Variants in FAM227B observed in about 807,000 individuals in gnomAD.
FAM227B encodes protein FAM227B.
Under a neutral mutation model 73.8 loss-of-function variants are expected in FAM227B, and 88 were observed. The ratio of observed to expected loss-of-function variants is 1.19; its 90% confidence interval spans 1.00 to 1.42. The LOEUF is 1.42. FAM227B is among the 40% of genes most tolerant of loss of function. The pLI is 0.00. For synonymous variants in FAM227B, 210 were observed against 190.5 expected (o/e 1.10, Z -0.84); for missense variants, 632 against 590.9 (o/e 1.07, Z -0.72).
chr15:49,600,350 C>CT (rs373443382), intron 3 of FAM227B, among the ~76,000 whole-genome samples: 1,438 of 127,838 alleles, frequency 0.011, 21 homozygotes, highest in African/African-American at 0.041. Flanking sequence ...TTCTTTCTTT[C>CT]TTTTTTTTTT....
intron 10 of FAM227B, among the ~76,000 whole-genome samples, chr15:49,526,188 T>C (rs986356696): frequency 1.2e-4 from 19 of 152,118 alleles, no homozygotes; most frequent in African/African-American, 4.3e-4. Context: ...AAAACTGAAA[T>C]TGTATCAAGT....
At position 49,529,095 on chromosome 15, in the gene FAM227B, T is replaced by C. The variant is rs149037062; in HGVS notation, c.874+12585A>G. 2.1e-3 allele frequency among the ~76,000 whole-genome samples: 325 copies of C among 151,686 alleles called. 2 individuals are homozygous for C. Among genetic ancestry groups the C allele is most frequent in the African/African-American group, 7.4e-3 (309 of 41,486 alleles). On this transcript the variant is annotated intron_variant, in intron 10 of 15. Coordinates refer to ENST00000299338, the MANE Select transcript of FAM227B (RefSeq NM_152647.3). ...AACCTAAGTGTCTATCAATGGATGA[T>C]CAGATAAAGAAAATATGGAATATAT...
At chr15:49,562,238 A>T (rs554262982) in intron 9 of FAM227B, among the ~76,000 whole-genome samples, 3 of 152,246 alleles carry the variant, frequency 2.0e-5, no homozygotes, top group Admixed American at 1.3e-4. Flanking sequence ...CACACAAGTT[A>T]GAAAATCTAG....
At chr15:49,489,090 A>G (rs1207144324) in intron 11 of FAM227B, 1 of 190,220 alleles carries the variant, frequency 5.3e-6, no homozygotes, top group Non-Finnish European at 9.7e-6. Context: ...TTTTATTTTA[A>G]TATATATAGC....
chr15:49,573,368 T>G (rs1267084290), intron 8 of FAM227B, among the ~76,000 whole-genome samples: 3 of 152,188 alleles, frequency 2.0e-5, no homozygotes, highest in African/African-American at 7.2e-5. Context: ...CTGTTTAATG[T>G]GGACTTGAGA....
At chr15:49,332,063 A>T (rs1248313919) in intron 14 of FAM227B, among the ~76,000 whole-genome samples, 1 of 147,370 alleles carries the variant, frequency 6.8e-6, no homozygotes, top group Admixed American at 6.9e-5. Context: ...TCAGACACCC[A>T]CCCCCGCTGC....
chr15:49,483,938 G>T (rs1471686359), intron 11 of FAM227B, among the ~76,000 whole-genome samples: 3 of 152,036 alleles, frequency 2.0e-5, no homozygotes, highest in South Asian at 2.1e-4. Context: ...GGAGGCAGAG[G>T]TTCTGCTAAT....
intron 13 of FAM227B, among the ~76,000 whole-genome samples, chr15:49,357,893 T>C (rs1400725267): frequency 6.6e-6 from 1 of 151,850 alleles, no homozygotes; most frequent in African/African-American, 2.4e-5. Context: ...TCCACCATGA[T>C]CAAGTGGGCT....
chr15:49,611,838 T>A (rs1385749628), intron 2 of FAM227B, among the ~76,000 whole-genome samples: 1 of 152,198 alleles, frequency 6.6e-6, no homozygotes, highest in Non-Finnish European at 1.5e-5. Flanking sequence ...ACATTCTTCC[T>A]TCTGCCCAGA....
At chr15:49,445,667 A>C (rs2052128641) in intron 11 of FAM227B, among the ~76,000 whole-genome samples, 1 of 151,632 alleles carries the variant, frequency 6.6e-6, no homozygotes, top group Non-Finnish European at 1.5e-5. Context: ...ATGTCAATTG[A>C]AAGAAAAAAA....
At chr15:49,574,366 G>C (rs544818191) in intron 8 of FAM227B, among the ~76,000 whole-genome samples, 7 of 152,256 alleles carry the variant, frequency 4.6e-5, no homozygotes, top group African/African-American at 1.7e-4. Flanking sequence ...TCGAGGGAGG[G>C]ACTGGGAGGG....
chr15:49,541,883 A>G (rs946635140), intron 9 of FAM227B, 77 bp from the exon 10 acceptor site: 2 of 1,095,904 alleles, frequency 1.8e-6, no homozygotes, highest in Non-Finnish European at 1.2e-6. Flanking sequence ...AGAAATTATT[A>G]TTTTTTAAAT....
At chr15:49,535,790 C>G (rs1472498052) in intron 10 of FAM227B, among the ~76,000 whole-genome samples, 3 of 151,696 alleles carry the variant, frequency 2.0e-5, no homozygotes, top group African/African-American at 7.2e-5. Flanking sequence ...ACACATCATA[C>G]CAACACAATC....
At chr15:49,598,608 C>G (rs2077015824) in intron 3 of FAM227B, among the ~76,000 whole-genome samples, 1 of 151,906 alleles carries the variant, frequency 6.6e-6, no homozygotes, top group South Asian at 2.1e-4. Context: ...CTTATAATCT[C>G]AAAGTACATT....
chr15:49,406,617 C>T (rs1023250295), intron 11 of FAM227B, among the ~76,000 whole-genome samples: 2 of 151,942 alleles, frequency 1.3e-5, no homozygotes, highest in African/African-American at 4.8e-5. Flanking sequence ...CCGGCCAAGG[C>T]TCCAACTGCA....
At chr15:49,376,976 C>A (rs2046204702) in intron 11 of FAM227B, among the ~76,000 whole-genome samples, 1 of 151,898 alleles carries the variant, frequency 6.6e-6, no homozygotes, top group Admixed American at 6.6e-5. Flanking sequence ...TTCATTTTTT[C>A]TAGCTACTTT....
In FAM227B at chr15:49,560,636, AG is replaced by A. The variant is rs201816505; in HGVS notation, c.747+7608del. On this transcript the variant is annotated intron_variant, in intron 9 of 15. Transcript: ENST00000299338. ...TTATAGCCACCTAGAGAAAATGGTCAGATTATGTATGAAGGGAATCTCATCA... is the reference window on the plus strand; with the variant it reads ...TTATAGCCACCTAGAGAAAATGGTCAATTATGTATGAAGGGAATCTCATCA... Among the ~76,000 whole-genome samples, 1,183 of 152,324 alleles carry A rather than the reference AG, an allele frequency of 7.8e-3. 18 individuals carry two copies. The highest frequency in any genetic ancestry group is 0.027 in the African/African-American group (1,117 of 41,572).
intron 11 of FAM227B, among the ~76,000 whole-genome samples, chr15:49,421,276 C>G (rs962415056): frequency 1.3e-5 from 2 of 152,168 alleles, no homozygotes; most frequent in African/African-American, 2.4e-5. Flanking sequence ...GTTTGGTTCT[C>G]CATTATAGCT....
At chr15:49,405,855 G>A (rs2048474976) in intron 11 of FAM227B, among the ~76,000 whole-genome samples, 1 of 152,136 alleles carries the variant, frequency 6.6e-6, no homozygotes, top group Non-Finnish European at 1.5e-5. Flanking sequence ...TTCTTGAGCT[G>A]GTTCTTTCTC....
Sources: gnomAD v4.1 joint callset for allele counts (sites outside exome capture counted in the v4.1 genomes callset) on GRCh38, gnomAD v4.1.1 for gene constraint, MANE v1.5 for transcripts, NCBI Gene and HGNC (gene_info 2026-07-23, HGNC 2026-07-21) for gene names.